The following C11orf65 variants were observed in gnomAD, a reference collection of about 807,000 sequenced individuals.
C11orf65 encodes protein MFI.
C11orf65 carries 38 observed loss-of-function variants against 35.3 expected under a neutral mutation model. The observed-to-expected ratio is 1.08, with a 90% CI of 0.83 to 1.41. The LOEUF (loss-of-function observed/expected upper bound fraction) is 1.41, where lower values mean the gene tolerates loss of function less well. Ranked by LOEUF, C11orf65 falls within the 40% of genes most tolerant of loss-of-function variation. The pLI is 0.00. For missense variants in C11orf65, 370 were observed against 367.1 expected (o/e 1.01, Z -0.06); for synonymous variants, 105 against 114.4 (o/e 0.92, Z 0.53).
intron 6 of C11orf65, among the ~76,000 whole-genome samples, chr11:108,311,693 A>G (rs1022416530): frequency 6.6e-6 from 1 of 151,938 alleles, no homozygotes; most frequent in Non-Finnish European, 1.5e-5. Context: ...GCGAGACCCT[A>G]TCTCATAAAC....
chr11:108,451,736 C>G (rs1213075321), intron 2 of C11orf65, among the ~76,000 whole-genome samples: 3 of 152,116 alleles, frequency 2.0e-5, no homozygotes. Context: ...GGAGGCATCA[C>G]GCTACCTGAC....
At chr11:108,349,889 G>T (rs1407874481) in intron 2 of C11orf65, among the ~76,000 whole-genome samples, 14 of 152,178 alleles carry the variant, frequency 9.2e-5, no homozygotes, top group Admixed American at 9.2e-4. Flanking sequence ...TAGATTGGAG[G>T]CATGTTAGCT....
At chr11:108,356,298 G>A (rs1474699530) in intron 2 of C11orf65, among the ~76,000 whole-genome samples, 1 of 152,264 alleles carries the variant, frequency 6.6e-6, no homozygotes, top group East Asian at 1.9e-4. Context: ...CACTTTGAGA[G>A]GCCGAGACAG....
downstream of C11orf65, among the ~76,000 whole-genome samples, chr11:108,379,699 G>A (rs979219448): frequency 4.6e-5 from 7 of 151,510 alleles, no homozygotes; most frequent in African/African-American, 1.7e-4. Context: ...CCTTACTCAG[G>A]GTTAGCCTGC....
At chr11:108,446,283 A>G (rs11512450) in intron 2 of C11orf65, among the ~76,000 whole-genome samples, 23,884 of 145,562 alleles carry the variant, frequency 0.16, 1,700 homozygotes, top group African/African-American at 0.25. Flanking sequence ...TACAGAGAAC[A>G]CCACAAAGAT....
At chr11:108,427,721 CA>C (rs1176005299) in intron 3 of C11orf65, among the ~76,000 whole-genome samples, 3 of 40,738 alleles carry the variant, frequency 7.4e-5, no homozygotes, top group African/African-American at 1.9e-4. Context: ...AACTCCGCCT[CA>C]AAAAAAAAAA....
chr11:108,438,553 A>G (rs569228097), intron 2 of C11orf65, among the ~76,000 whole-genome samples: 1 of 150,946 alleles, frequency 6.6e-6, no homozygotes, highest in East Asian at 1.9e-4. Context: ...TTCGTCTGGA[A>G]AAAAAAAAAA....
intron 6 of C11orf65, chr11:108,317,634 TATATATATATATATATATAC>T (rs2084826325): frequency 1.7e-5 from 3 of 175,210 alleles, no homozygotes; most frequent in African/African-American, 3.5e-5. Flanking sequence ...TATATATATA[TATATATATATATATATATAC>T]ACACACACAC....
chr11:108,390,771 T>C (rs991235744), intron 7 of C11orf65, among the ~76,000 whole-genome samples: 2 of 152,212 alleles, frequency 1.3e-5, no homozygotes, highest in Non-Finnish European at 2.9e-5. Context: ...ATTTGTTCAG[T>C]GTCCCAGGAA....
chr11:108,430,829 A>C (rs990711889), intron 3 of C11orf65, among the ~76,000 whole-genome samples: 1 of 151,770 alleles, frequency 6.6e-6, no homozygotes, highest in Non-Finnish European at 1.5e-5. Flanking sequence ...TGGGTGACAG[A>C]GTGAGACCCT....
At chr11:108,464,422 C>A (rs187558468) in intron 1 of C11orf65, among the ~76,000 whole-genome samples, 3 of 151,898 alleles carry the variant, frequency 2.0e-5, no homozygotes, top group East Asian at 3.9e-4. Context: ...TTAGCCTCCC[C>A]GCGATTTCCA....
intron 7 of C11orf65, among the ~76,000 whole-genome samples, chr11:108,387,148 C>CTTTTTT (rs1175890979): frequency 0.021 from 1,784 of 84,300 alleles, 12 homozygotes; most frequent in Middle Eastern, 0.038. Flanking sequence ...TTCTTTCTTT[C>CTTTTTT]TTTTTTTTTT....
intron 6 of C11orf65, among the ~76,000 whole-genome samples, chr11:108,315,253 T>C (rs2084519111): frequency 6.6e-6 from 1 of 152,256 alleles, no homozygotes; most frequent in Non-Finnish European, 1.5e-5. Context: ...GCAAAATTAT[T>C]ACAATAGTAC....
rs876660813 is a variant in C11orf65, at chr11:108,353,859, G to GT, written c.227-18568dup. Reference sequence around the variant, plus strand: ...ATTGTGGATGGCATGGGCATTACGGGTGTTGAAGGTGTCTTCAGAAGGTAA... The same window carrying GT: ...ATTGTGGATGGCATGGGCATTACGGGTTGTTGAAGGTGTCTTCAGAAGGTAA... On this transcript the variant is annotated intron_variant, in intron 2 of 3. Coordinates refer to the C11orf65 transcript ENST00000524755. 6.2e-7 allele frequency: 1 copy of GT among 1,613,440 alleles called. No individual in the cohort carries two copies. The highest frequency in any genetic ancestry group is 8.5e-7 in the Non-Finnish European group (1 of 1,179,452).
chr11:108,316,994 C>T (rs996440013), intron 6 of C11orf65, among the ~76,000 whole-genome samples: 3 of 151,574 alleles, frequency 2.0e-5, no homozygotes, highest in Non-Finnish European at 2.9e-5. Context: ...AGTGCATTAG[C>T]GTGATCATAG....
chr11:108,458,254 C>T (rs1406148311), intron 2 of C11orf65, among the ~76,000 whole-genome samples: 1 of 150,666 alleles, frequency 6.6e-6, no homozygotes, highest in African/African-American at 2.4e-5. Context: ...TGCCGGTATC[C>T]CACCTACTCG....
At chr11:108,316,753 CAAAAAAAAAAA>C (rs58165074) in intron 6 of C11orf65, among the ~76,000 whole-genome samples, 1 of 72,444 alleles carries the variant, frequency 1.4e-5, no homozygotes, top group Non-Finnish European at 2.5e-5. Context: ...ACTAAAAATA[CAAAAAAAAAAA>C]AAAAAAAAAA....
At chr11:108,368,422 G>C (rs1246135081) in intron 2 of C11orf65, 3 of 211,242 alleles carry the variant, frequency 1.4e-5, no homozygotes, top group African/African-American at 6.8e-5. Flanking sequence ...TGTATGCTAA[G>C]TCACTGACCC....
intron 3 of C11orf65, among the ~76,000 whole-genome samples, chr11:108,421,811 G>A (rs539903125): frequency 6.6e-6 from 1 of 152,300 alleles, no homozygotes; most frequent in South Asian, 2.1e-4. Flanking sequence ...TGTTTGATAG[G>A]TAGGCAAAAA....
Sources: allele counts gnomAD v4.1 joint callset (sites outside exome capture counted in the v4.1 genomes callset), GRCh38; gene constraint gnomAD v4.1.1; transcripts MANE v1.5; gene names NCBI Gene and HGNC (gene_info 2026-07-23, HGNC 2026-07-21).